UVRAG: variants seen among roughly 807,000 people sequenced by gnomAD.
UVRAG encodes UV radiation resistance associated.
A neutral mutation model predicts 78.0 loss-of-function variants in UVRAG; 19 were observed. The observed-to-expected ratio is 0.24, with a 90% confidence interval of 0.17 to 0.36. UVRAG has a LOEUF of 0.36. Among genes scored for constraint, UVRAG ranks in the 10% least tolerant of loss-of-function variants. The pLI is 1.00. For synonymous variants in UVRAG, 323 were observed against 324.6 expected, an observed-to-expected ratio of 1.00 and a Z score of 0.05; for missense variants, 740 against 853.8, an observed-to-expected ratio of 0.87 and a Z score of 1.66.
intron 13 of UVRAG, among the ~76,000 whole-genome samples, chr11:76,088,664 C>T (rs1951638518): frequency 1.3e-5 from 2 of 152,138 alleles, no homozygotes; most frequent in Non-Finnish European, 2.9e-5. Flanking sequence ...GGCCCATCTT[C>T]TGCTTTTGCT....
At chr11:76,045,484 G>A (rs1950733103) in intron 12 of UVRAG, among the ~76,000 whole-genome samples, 1 of 152,144 alleles carries the variant, frequency 6.6e-6, no homozygotes, top group Non-Finnish European at 1.5e-5. Flanking sequence ...AGGAAAGAAA[G>A]AATATAGGGA....
intron 14 of UVRAG, among the ~76,000 whole-genome samples, chr11:76,130,130 T>A (rs1002218806): frequency 6.6e-6 from 1 of 152,166 alleles, no homozygotes; most frequent in African/African-American, 2.4e-5. Context: ...ATGCTGTTCC[T>A]GCTACCTGGA....
chr11:75,954,706 A>G (rs1320628205), intron 6 of UVRAG, among the ~76,000 whole-genome samples: 1 of 152,226 alleles, frequency 6.6e-6, no homozygotes, highest in East Asian at 1.9e-4. Flanking sequence ...TGTGCTTAGC[A>G]TTTGGAATAC....
intron 12 of UVRAG, among the ~76,000 whole-genome samples, chr11:76,043,510 T>C (rs1199087456): frequency 6.6e-6 from 1 of 152,238 alleles, no homozygotes; most frequent in South Asian, 2.1e-4. Flanking sequence ...TAGGAAGTTA[T>C]ATGTTCTAGA....
At chr11:76,101,236 C>T (rs1951875365) in intron 13 of UVRAG, among the ~76,000 whole-genome samples, 1 of 152,082 alleles carries the variant, frequency 6.6e-6, no homozygotes, top group African/African-American at 2.4e-5. Flanking sequence ...CTTTCCTTTT[C>T]CCCCTCAACT....
intron 12 of UVRAG, among the ~76,000 whole-genome samples, chr11:76,063,922 A>C (rs1250582948): frequency 6.6e-6 from 1 of 152,236 alleles, no homozygotes; most frequent in Non-Finnish European, 1.5e-5. Flanking sequence ...AAGTAAGATG[A>C]ATGCATGATA....
intron 14 of UVRAG, chr11:76,137,731 T>G: frequency 3.4e-6 from 1 of 296,226 alleles, no homozygotes; most frequent in Non-Finnish European, 6.7e-6. Flanking sequence ...AGATCCTGTC[T>G]CTAAAAAAAA....
At chr11:75,921,012 G>A (rs1310674522) in intron 6 of UVRAG, among the ~76,000 whole-genome samples, 3 of 152,082 alleles carry the variant, frequency 2.0e-5, no homozygotes, top group Non-Finnish European at 4.4e-5. Flanking sequence ...TGTTTGTTTT[G>A]ACAGTATGCA....
chr11:75,897,543 G>A (rs1024636924), intron 5 of UVRAG, among the ~76,000 whole-genome samples: 9 of 152,074 alleles, frequency 5.9e-5, no homozygotes, highest in African/African-American at 2.2e-4. Flanking sequence ...TATTATTTTT[G>A]AGATGGCATC....
At chr11:75,988,860 C>A (rs1309953070) in intron 8 of UVRAG, among the ~76,000 whole-genome samples, 1 of 152,038 alleles carries the variant, frequency 6.6e-6, no homozygotes, top group African/African-American at 2.4e-5. Flanking sequence ...CTGTTTCTTT[C>A]CTCTGATGAA....
At chr11:75,958,653 C>A (rs958236954) in intron 6 of UVRAG, among the ~76,000 whole-genome samples, 2 of 152,120 alleles carry the variant, frequency 1.3e-5, no homozygotes, top group African/African-American at 4.8e-5. Flanking sequence ...CTTCCAAAGT[C>A]CTGTTAATGT....
In UVRAG at chr11:75,983,447, C is replaced by T; in HGVS notation, c.760C>T (p.Gln254Ter). The T allele has an allele frequency of 6.2e-7, 1 of 1,610,924 alleles. No individual in the cohort carries two copies. Among genetic ancestry groups the T allele is most frequent in the Non-Finnish European group, 8.5e-7 (1 of 1,178,106 alleles). The change falls in exon 8 of 15, where the codon CAG (glutamine) becomes TAG (stop). Residue 254 changes from glutamine (Q) to a stop codon, truncating the protein, a stop_gained. Transcript: ENST00000356136. LOFTEE classifies it high-confidence loss of function. ...ILVLQNELER[Q>*]KKALGREVAL... ...GGTGCTTCAGAATGAACTGGAACGG[C>T]AGAAGAAAGCTTTGGGACGGGAGGT...
intron 1 of UVRAG, among the ~76,000 whole-genome samples, chr11:75,845,014 T>A (rs1426578839): frequency 1.3e-5 from 2 of 152,180 alleles, no homozygotes; most frequent in Non-Finnish European, 2.9e-5. Context: ...GCGTTAGAAT[T>A]TGTATTTGAA....
chr11:76,063,745 T>C (rs970686419), intron 12 of UVRAG, among the ~76,000 whole-genome samples: 1 of 152,206 alleles, frequency 6.6e-6, no homozygotes, highest in African/African-American at 2.4e-5. Context: ...ATGGACCTGC[T>C]TCTGGTTGTA....
At chr11:75,879,840 T>C in intron 3 of UVRAG, 39 bp from the exon 4 acceptor site, 1 of 1,595,568 alleles carries the variant, frequency 6.3e-7, no homozygotes, top group Admixed American at 1.7e-5. Flanking sequence ...CGTAAACAAA[T>C]AGAGTTGTCC....
At chr11:75,892,706 C>T (rs1288603468) in intron 5 of UVRAG, among the ~76,000 whole-genome samples, 1 of 152,094 alleles carries the variant, frequency 6.6e-6, no homozygotes, top group Non-Finnish European at 1.5e-5. Flanking sequence ...GCAGATCTTG[C>T]CCCCTTTACC....
chr11:75,893,430 A>C (rs1426377178), intron 5 of UVRAG, among the ~76,000 whole-genome samples: 1 of 152,050 alleles, frequency 6.6e-6, no homozygotes, highest in East Asian at 1.9e-4. Flanking sequence ...AAGACAGCTT[A>C]GAGAAACTGC....
chr11:75,984,993 T>C (rs1168280635), intron 8 of UVRAG, among the ~76,000 whole-genome samples: 1 of 152,164 alleles, frequency 6.6e-6, no homozygotes, highest in East Asian at 1.9e-4. Flanking sequence ...TTTAGGTATT[T>C]CAGTTGAGTA....
chr11:75,961,373 A>G, intron 6 of UVRAG, 71 bp from the exon 7 acceptor site: 2 of 1,247,166 alleles, frequency 1.6e-6, no homozygotes, highest in Non-Finnish European at 2.2e-6. Context: ...CAGGTTTGTC[A>G]TTTATATCTG....
Sources: gnomAD v4.1 joint callset for allele counts (sites outside exome capture counted in the v4.1 genomes callset) on GRCh38, gnomAD v4.1.1 for gene constraint, MANE v1.5 for transcripts, NCBI Gene and HGNC (gene_info 2026-07-23, HGNC 2026-07-21) for gene names.